ARHGEF4: variants seen among roughly 807,000 people sequenced by gnomAD.
ARHGEF4 encodes the protein APC-stimulated guanine nucleotide exchange factor 1.
ARHGEF4 carries 119 observed loss-of-function variants against 162.0 expected under a neutral mutation model. The ratio of observed to expected loss-of-function variants is 0.73; its 90% CI spans 0.63 to 0.86. ARHGEF4 has a LOEUF of 0.86. Among genes scored for constraint, ARHGEF4 ranks in the 40% least tolerant of loss-of-function variants. The probability of loss-of-function intolerance (pLI) is 0.00; values close to 1 mark genes in which losing one functional copy is unlikely to be tolerated. For synonymous variants in ARHGEF4, 1,014 were observed against 979.9 expected (o/e 1.03, Z -0.65); for missense variants, 2,488 against 2,456.0 (o/e 1.01, Z -0.28).
At chr2:131,036,315 C>G (rs760129565) in intron 5 of ARHGEF4, among the ~76,000 whole-genome samples, 17 of 152,244 alleles carry the variant, frequency 1.1e-4, no homozygotes, top group Non-Finnish European at 1.9e-4. Context: ...AATTAGAGTA[C>G]CTCCCGAGTG....
At chr2:130,991,813 A>G (rs999576601) in intron 4 of ARHGEF4, among the ~76,000 whole-genome samples, 12 of 152,330 alleles carry the variant, frequency 7.9e-5, no homozygotes, top group Admixed American at 7.8e-4. Flanking sequence ...CGACCACCCA[A>G]GGGCTGAGGA....
intron 4 of ARHGEF4, among the ~76,000 whole-genome samples, chr2:130,984,028 A>C (rs578245475): frequency 6.6e-6 from 1 of 152,356 alleles, no homozygotes; most frequent in South Asian, 2.1e-4. Flanking sequence ...ACACATATAG[A>C]TATGCGTACA....
intron 4 of ARHGEF4, among the ~76,000 whole-genome samples, chr2:130,972,183 A>G (rs1246416112): frequency 1.3e-5 from 2 of 152,254 alleles, no homozygotes; most frequent in African/African-American, 4.8e-5. Flanking sequence ...CCTATGAAAT[A>G]ATTATATTGC....
chr2:131,031,106 T>C (rs1285747812), intron 5 of ARHGEF4, among the ~76,000 whole-genome samples: 2 of 152,236 alleles, frequency 1.3e-5, no homozygotes, highest in African/African-American at 4.8e-5. Context: ...AGGGGCTAAA[T>C]TGTGGCCCTT....
At chr2:130,963,468 G>A (rs1684759732) in intron 4 of ARHGEF4, among the ~76,000 whole-genome samples, 1 of 151,960 alleles carries the variant, frequency 6.6e-6, no homozygotes, top group Non-Finnish European at 1.5e-5. Flanking sequence ...TCCTTGCGGT[G>A]AAAAAGTGGG....
chr2:131,003,214 C>T (rs1473188798), intron 4 of ARHGEF4, among the ~76,000 whole-genome samples: 3 of 152,180 alleles, frequency 2.0e-5, no homozygotes, highest in Admixed American at 6.5e-5. Flanking sequence ...CCATCCCGCA[C>T]GCACTCTGTA....
intron 10 of ARHGEF4, 152 bp downstream of exon 10, chr2:131,042,096 C>T (rs1690860049): frequency 8.2e-7 from 1 of 1,216,746 alleles, no homozygotes; most frequent in Admixed American, 2.8e-5. Flanking sequence ...AGCCTGTCCC[C>T]AGCGTGGGCT....
chr2:130,959,631 TATCTACACATC>T (rs1479813335), intron 4 of ARHGEF4, among the ~76,000 whole-genome samples: 1 of 151,632 alleles, frequency 6.6e-6, no homozygotes, highest in Non-Finnish European at 1.5e-5. Flanking sequence ...TGTGACTGCA[TATCTACACATC>T]ATTCACTTAA....
intron 4 of ARHGEF4, among the ~76,000 whole-genome samples, chr2:130,975,346 C>T (rs1047511659): frequency 6.6e-6 from 1 of 152,162 alleles, no homozygotes; most frequent in African/African-American, 2.4e-5. Flanking sequence ...ACAGCAGACA[C>T]CCACCTGAGA....
Position 130,915,012 on chromosome 2 carries a change from G to A in ARHGEF4, c.1066G>A (p.Val356Ile), listed in dbSNP as rs977662897. ...ECPEDPVGQN[V>I]VKSGTHVKEG... ...CCCCGAGGATCCCGTGGGACAGAATGTTGTGAAGTCTGGGACCCATGTGAA... is the reference window on the plus strand; with the variant it reads ...CCCCGAGGATCCCGTGGGACAGAATATTGTGAAGTCTGGGACCCATGTGAA... Residue 356 changes from valine (V) to isoleucine (I), a missense_variant, in exon 2 of 14, where the codon GTT becomes ATT. Coordinates refer to ENST00000409359, the MANE Select transcript of ARHGEF4 (RefSeq NM_001367493.1). 2 of 1,550,664 alleles carry A rather than the reference G, an allele frequency of 1.3e-6. No homozygotes were observed. Among genetic ancestry groups the A allele is most frequent in the East Asian group, 4.9e-5 (2 of 40,918 alleles).
rs1019142793 is a variant in ARHGEF4, at chr2:130,883,713, G to T, written c.40-30273G>T. ...ACAGGCAGAGCTGCAGTGAATGATG[G>T]CACGTGGGTTGAGTGCCCTCTGATG... On this transcript the variant is annotated intron_variant, in intron 1 of 13. Coordinates refer to ENST00000409359, the MANE Select transcript of ARHGEF4 (RefSeq NM_001367493.1). Among the ~76,000 whole-genome samples the T allele has an allele frequency of 2.6e-4, 39 of 152,056 alleles. 1 individual carries two copies. The highest frequency in any genetic ancestry group is 5.4e-4 in the Non-Finnish European group (37 of 68,018).
intron 1 of ARHGEF4, among the ~76,000 whole-genome samples, chr2:130,865,291 C>T (rs1240493661): frequency 6.6e-6 from 1 of 152,214 alleles, no homozygotes; most frequent in East Asian, 1.9e-4. Context: ...CAAGTGCTCC[C>T]CTTTACAGCC....
rs748941176 is a variant in ARHGEF4 at position 130,917,045 on chromosome 2, A to G, written c.3099A>G (p.Thr1033=). ...AAAGTGAACCGACCATCAAGTGCAC[A>G]GCCACCCAGGAAGGCGGTAGGTACC... The part of the protein sequence containing the change: ...RRKSEPTIKC[T]ATQEGGRYLP... The change falls in exon 2 of 14, where the codon ACA becomes ACG. Residue 1033 remains threonine, a synonymous_variant. Coordinates refer to ENST00000409359, the MANE Select transcript of ARHGEF4 (RefSeq NM_001367493.1). 2.6e-4 allele frequency: 407 copies of G among 1,550,790 alleles called. 1 individual carries two copies. The highest frequency in any genetic ancestry group is 3.2e-4 in the Non-Finnish European group (372 of 1,147,050).
intron 1 of ARHGEF4, among the ~76,000 whole-genome samples, chr2:130,842,496 A>T (rs1680674973): frequency 6.6e-6 from 1 of 152,114 alleles, no homozygotes; most frequent in Non-Finnish European, 1.5e-5. Context: ...ACCTCACTTT[A>T]AGCTGTACAG....
rs965782222 is a variant in ARHGEF4, at chr2:131,031,055, C to T, written c.4125+2971C>T. Among the ~76,000 whole-genome samples the T allele has an allele frequency of 5.3e-5, 8 of 152,194 alleles. No individual in the cohort carries two copies. The East Asian group carries it at 5.8e-4, about 11-fold the overall frequency. ...TCCTTACTAAATAATATTTGGCTTG[C>T]CCTAAAATCACACATTCACTTCTAT... On this transcript the variant is annotated intron_variant, in intron 5 of 13. Coordinates refer to ENST00000409359, the MANE Select transcript of ARHGEF4 (RefSeq NM_001367493.1).
At chr2:130,887,302 G>C (rs897717696) in intron 1 of ARHGEF4, among the ~76,000 whole-genome samples, 2 of 151,682 alleles carry the variant, frequency 1.3e-5, no homozygotes, top group African/African-American at 4.9e-5. Flanking sequence ...TTGCACTCCA[G>C]CCTGGGTGAT....
intron 4 of ARHGEF4, among the ~76,000 whole-genome samples, chr2:130,966,366 C>T (rs1685003285): frequency 6.6e-6 from 1 of 152,224 alleles, no homozygotes; most frequent in Admixed American, 6.5e-5. Context: ...TTTCCTGTCC[C>T]TGGGAGGAAT....
chr2:130,902,725 T>C (rs73960366), intron 1 of ARHGEF4, among the ~76,000 whole-genome samples: 3,129 of 149,820 alleles, frequency 0.021, 96 homozygotes, highest in African/African-American at 0.07. Context: ...TGTTGACATT[T>C]TCCCAGCGTG....
chr2:130,977,431 C>T (rs887772919), intron 4 of ARHGEF4, among the ~76,000 whole-genome samples: 3 of 150,522 alleles, frequency 2.0e-5, no homozygotes, highest in East Asian at 3.9e-4. Flanking sequence ...TTTGTGTTTT[C>T]TATGTGGTGT....
Sources: allele counts gnomAD v4.1 joint callset (sites outside exome capture counted in the v4.1 genomes callset), GRCh38; gene constraint gnomAD v4.1.1; transcripts MANE v1.5; gene names NCBI Gene and HGNC (gene_info 2026-07-23, HGNC 2026-07-21).